AVL9: variants seen among roughly 807,000 people sequenced by gnomAD.
AVL9 encodes late secretory pathway protein AVL9 homolog.
In AVL9, 49 loss-of-function variants were observed where a neutral mutation model predicts 79.2. The observed-to-expected ratio is 0.62, with a 90% CI of 0.49 to 0.79. The LOEUF (loss-of-function observed/expected upper bound fraction) is 0.79, where lower values mean the gene tolerates loss of function less well. AVL9 is among the 30% of genes least tolerant of loss of function. AVL9 has a pLI of 0.00. For missense variants in AVL9, 682 were observed against 776.8 expected (o/e 0.88, Z 1.45); for synonymous variants, 299 against 280.6 (o/e 1.07, Z -0.65).
rs67037834 is a variant in AVL9 at position 32,586,469 on chromosome 7, C to CA, written c.*2562_*2563insA. Reference sequence around the variant, plus strand: ...TCACCCCTGGTCCTGTGACCCCCCCCCCCCACACACACACATACTTCAGGC... The same window carrying CA: ...TCACCCCTGGTCCTGTGACCCCCCCCACCCCACACACACACATACTTCAGGC... On this transcript the variant is annotated 3_prime_UTR_variant, in exon 16 of 16. Coordinates refer to ENST00000318709, the MANE Select transcript of AVL9 (RefSeq NM_015060.3). The CA allele has an allele frequency of 0.59, 79,744 of 135,240 alleles. 22,598 individuals are homozygous for CA. Among genetic ancestry groups the CA allele is most frequent in the Admixed American group, 0.66 (9,113 of 13,852 alleles). 8.4% of individuals were successfully genotyped at this position (135,240 alleles called of 1,614,324 possible).
chr7:32,569,670 A>G (rs145792499), intron 10 of AVL9, among the ~76,000 whole-genome samples: 64 of 152,358 alleles, frequency 4.2e-4, no homozygotes, highest in African/African-American at 1.5e-3. Flanking sequence ...CGTACTTACT[A>G]ACAGGCTTAA....
chr7:32,552,285 A>C lies in AVL9; in HGVS notation c.519A>C (p.Gln173His). The C allele has an allele frequency of 6.3e-7, 1 of 1,598,734 alleles. No homozygotes were observed. The highest frequency in any genetic ancestry group is 8.6e-7 in the Non-Finnish European group (1 of 1,167,096). ...GAGGTGCTTCATTAGAAGGATCCCA[A>C]GTATATCTTGGTAAGTAACTGACTT... ...SLGGASLEGS[Q>H]VYLGLSPRDL... Residue 173 changes from glutamine (Q) to histidine (H), a missense_variant, in exon 6 of 16, where the codon CAA becomes CAC. Gln to His is a conservative substitution (Grantham distance 24, BLOSUM62 0). Transcript: ENST00000318709.
At chr7:32,527,947 C>T (rs1398176457) in intron 1 of AVL9, among the ~76,000 whole-genome samples, 1 of 152,046 alleles carries the variant, frequency 6.6e-6, no homozygotes, top group African/African-American at 2.4e-5. Context: ...GTAGGACATG[C>T]CTCATTATAC....
At position 32,573,884 on chromosome 7, in the gene AVL9, C is replaced by T. The variant is rs1790970112; in HGVS notation, c.1570+466C>T. On this transcript the variant is annotated intron_variant, in intron 12 of 15. Coordinates refer to ENST00000318709, the MANE Select transcript of AVL9 (RefSeq NM_015060.3). ...ATCGTGTTGTAAATGATTAAATCTTCAAATTTATAACCCATTCTAAGAAAT... is the reference window on the plus strand; with the variant it reads ...ATCGTGTTGTAAATGATTAAATCTTTAAATTTATAACCCATTCTAAGAAAT... Among the ~76,000 whole-genome samples the T allele has an allele frequency of 3.3e-5, 5 of 152,234 alleles. 1 individual carries two copies. The South Asian group carries it at 1.0e-3, about 32-fold the overall frequency.
At chr7:32,579,446 A>T (rs867174416) in intron 13 of AVL9, among the ~76,000 whole-genome samples, 54 of 3,354 alleles carry the variant, frequency 0.016, 9 homozygotes, top group African/African-American at 0.12. Flanking sequence ...ATTATATATA[A>T]TATATTATAT....
intron 13 of AVL9, among the ~76,000 whole-genome samples, chr7:32,577,666 G>A (rs1791161796): frequency 6.6e-6 from 1 of 152,132 alleles, no homozygotes; most frequent in South Asian, 2.1e-4. Context: ...ACTACATCTG[G>A]TGCTTTTAAC....
intron 1 of AVL9, among the ~76,000 whole-genome samples, chr7:32,512,688 T>A (rs1325530108): frequency 6.6e-6 from 1 of 152,154 alleles, no homozygotes. Flanking sequence ...GCTGGTACAC[T>A]CTCTGCCCAT....
At chr7:32,541,901 G>T (rs1789227019) in intron 1 of AVL9, among the ~76,000 whole-genome samples, 1 of 151,950 alleles carries the variant, frequency 6.6e-6, no homozygotes, top group Admixed American at 6.6e-5. Flanking sequence ...TTTTAGTAGG[G>T]ACGGGATTTC....
intron 10 of AVL9, among the ~76,000 whole-genome samples, chr7:32,567,589 T>C (rs1382335811): frequency 2.0e-5 from 3 of 152,168 alleles, no homozygotes; most frequent in Non-Finnish European, 4.4e-5. Flanking sequence ...GTCTTATGTT[T>C]GTTTTCTTCT....
At position 32,570,127 on chromosome 7, in the gene AVL9, G is replaced by T. The variant is rs1583592133; in HGVS notation, c.1323G>T (p.Gln441His). Residue 441 changes from glutamine to histidine, a missense_variant, in exon 11 of 16, where the codon CAG becomes CAT. Physicochemically the swap from Gln to His is conservative, Grantham distance 24. Transcript: ENST00000318709. The part of the protein sequence containing the change: ...AGATNILFRQ[Q>H]KHLSDAIVEV... ...CTACTAACATCCTTTTTCGACAACAGAAACACCTCAGTGATGCCATTGTGG... is the reference window on the plus strand; with the variant it reads ...CTACTAACATCCTTTTTCGACAACATAAACACCTCAGTGATGCCATTGTGG... 1 of 1,614,168 alleles carries T rather than the reference G, an allele frequency of 6.2e-7. No homozygotes were observed. The highest frequency in any genetic ancestry group is 1.3e-5 in the African/African-American group (1 of 75,042).
At position 32,588,321 on chromosome 7, in the gene AVL9, ATAAGAT is replaced by A. The variant is rs1258068107; in HGVS notation, c.*4415_*4420del. The A allele has an allele frequency of 6.6e-6, 1 of 152,192 alleles. No individual in the cohort carries two copies. The highest frequency in any genetic ancestry group is 1.5e-5 in the Non-Finnish European group (1 of 68,028). 9.4% of individuals were successfully genotyped at this position (152,192 alleles called of 1,614,324 possible). ...ATATTAGTATTTTGTAGCTGGAAGA[ATAAGAT>A]CAAGGCTTACATGTTTCAGGCCACT... On this transcript the variant is annotated 3_prime_UTR_variant, in exon 16 of 16. Coordinates refer to ENST00000318709, the MANE Select transcript of AVL9 (RefSeq NM_015060.3).
At chr7:32,557,421 A>G (rs565344680) in intron 8 of AVL9, among the ~76,000 whole-genome samples, 9 of 152,280 alleles carry the variant, frequency 5.9e-5, no homozygotes, top group African/African-American at 2.2e-4. Flanking sequence ...CTTTTATTTC[A>G]AAAAGGTATT....
intron 1 of AVL9, among the ~76,000 whole-genome samples, chr7:32,527,939 A>G (rs1052024413): frequency 5.3e-5 from 8 of 152,182 alleles, no homozygotes; most frequent in Non-Finnish European, 8.8e-5. Context: ...GAGTTGGGGT[A>G]GGACATGCCT....
intron 13 of AVL9, among the ~76,000 whole-genome samples, chr7:32,577,868 G>A (rs1403181449): frequency 6.6e-6 from 1 of 152,158 alleles, no homozygotes; most frequent in African/African-American, 2.4e-5. Flanking sequence ...TGATAGTGCA[G>A]GCCAAGGGAG....
chr7:32,495,526 A>G lies in AVL9; in HGVS notation c.-184A>G. ...AGCCCGGAAGCTGCGGAAGCGGATG[A>G]GGGAAGGGCGGCCGTGGCCCTGGGG... On this transcript the variant is annotated 5_prime_UTR_variant, in exon 1 of 16. Coordinates refer to ENST00000318709, the MANE Select transcript of AVL9 (RefSeq NM_015060.3). The G allele has an allele frequency of 2.5e-6, 1 of 398,408 alleles. No individual in the cohort carries two copies. Among genetic ancestry groups the G allele is most frequent in the Non-Finnish European group, 4.4e-6 (1 of 224,910 alleles). 24.7% of individuals were successfully genotyped at this position (398,408 alleles called of 1,614,324 possible). A position where few individuals can be genotyped will look rare whatever the true frequency, so the allele number is the denominator to read the frequency against.
At chr7:32,526,089 C>A (rs1788388762) in intron 1 of AVL9, among the ~76,000 whole-genome samples, 1 of 152,156 alleles carries the variant, frequency 6.6e-6, no homozygotes, top group Non-Finnish European at 1.5e-5. Flanking sequence ...GGCTTCTCCC[C>A]TCTGCAAACG....
chr7:32,506,271 T>C (rs1467932654), intron 1 of AVL9, among the ~76,000 whole-genome samples: 5 of 152,180 alleles, frequency 3.3e-5, no homozygotes, highest in African/African-American at 1.2e-4. Flanking sequence ...AAATAACTAG[T>C]AGTAAAATAG....
At chr7:32,545,290 A>T (rs1382345601) in intron 3 of AVL9, among the ~76,000 whole-genome samples, 1 of 143,660 alleles carries the variant, frequency 7.0e-6, no homozygotes, top group African/African-American at 2.6e-5. Flanking sequence ...TTTAAGCAGC[A>T]TTTCAGAAGT....
chr7:32,505,797 T>C (rs1321816381), intron 1 of AVL9, among the ~76,000 whole-genome samples: 2 of 152,180 alleles, frequency 1.3e-5, no homozygotes, highest in Non-Finnish European at 2.9e-5. Flanking sequence ...ATTTTCCACA[T>C]ACTGTTCTAA....
Sources: allele counts gnomAD v4.1 joint callset (sites outside exome capture counted in the v4.1 genomes callset), GRCh38; gene constraint gnomAD v4.1.1; transcripts MANE v1.5; gene names NCBI Gene and HGNC (gene_info 2026-07-23, HGNC 2026-07-21).